Variants in ERCC4 observed in about 807,000 individuals in gnomAD.
ERCC4 encodes ERCC excision repair 4, endonuclease catalytic subunit.
Under a neutral mutation model 76.9 loss-of-function variants are expected in ERCC4, and 65 were observed. That is an observed-to-expected ratio of 0.84 (90% CI 0.69 to 1.04). The LOEUF (loss-of-function observed/expected upper bound fraction) is 1.04. Ranked by LOEUF, ERCC4 falls within the 50% of genes least tolerant of loss-of-function variation. The probability of loss-of-function intolerance (pLI) is 0.00; values close to 1 mark genes in which losing one functional copy is unlikely to be tolerated. For missense variants in ERCC4, 1,214 were observed against 1,128.2 expected (o/e 1.08, Z -1.09); for synonymous variants, 463 against 410.1 (o/e 1.13, Z -1.56).
In ERCC4 at chr16:13,948,383, T is replaced by A. The variant is rs775040023; in HGVS notation, c.*36T>A. 1.2e-6 allele frequency: 2 copies of A among 1,601,668 alleles called. No homozygotes were observed. Among genetic ancestry groups the A allele is most frequent in the Admixed American group, 1.7e-5 (1 of 60,024 alleles). ...CTGTTTTCTTATCCCATGCCTGTAC[T>A]TTTCAGCGGCTCCTTGCCAGACATC... On this transcript the variant is annotated 3_prime_UTR_variant, in exon 11 of 11. Transcript: ENST00000311895.
At chr16:13,937,615 T>G in intron 8 of ERCC4, 151 bp from the exon 9 acceptor site, 2 of 682,514 alleles carry the variant, frequency 2.9e-6, no homozygotes, top group Non-Finnish European at 5.4e-6. Flanking sequence ...CAGCTTAATT[T>G]GAGCTAGTGT....
rs1287910269 is a variant in ERCC4 at position 13,920,263 on chromosome 16, T to C, written c.98T>C (p.Val33Ala). Residue 33 changes from valine (V) to alanine (A), a missense_variant, in exon 1 of 11, where the codon GTA becomes GCA. Coordinates refer to ENST00000311895, the MANE Select transcript of ERCC4 (RefSeq NM_005236.3). The stretch of plus-strand genomic sequence containing the variant: ...GAACTGCTCGACACTGACGGGCTAG[T>C]AGTGTGCGCCCGCGGGCTCGGCGCG... ...VLELLDTDGL[V>A]VCARGLGADR... 7 of 1,606,894 alleles carry C rather than the reference T, an allele frequency of 4.4e-6. No individual in the cohort carries two copies. Among genetic ancestry groups the C allele is most frequent in the Admixed American group, 3.3e-5 (2 of 60,004 alleles).
intron 10 of ERCC4, among the ~76,000 whole-genome samples, chr16:13,946,943 G>A (rs2032526393): frequency 6.6e-6 from 1 of 152,080 alleles, no homozygotes; most frequent in South Asian, 2.1e-4. Flanking sequence ...TGTATTTTTT[G>A]TAGAGACGGG....
At chr16:13,920,674 A>C (rs754768007) in intron 1 of ERCC4, among the ~76,000 whole-genome samples, 7 of 151,732 alleles carry the variant, frequency 4.6e-5, no homozygotes, top group African/African-American at 1.7e-4. Context: ...GAGTTGAAGA[A>C]CACTAAGAGG....
intron 2 of ERCC4, among the ~76,000 whole-genome samples, chr16:13,925,227 A>G (rs955508162): frequency 6.6e-6 from 1 of 152,248 alleles, no homozygotes; most frequent in East Asian, 1.9e-4. Context: ...GGTTCCAACC[A>G]AAATAAAGAC....
intron 8 of ERCC4, 32 bp downstream of exon 8, chr16:13,935,775 C>T (rs768315580): frequency 1.4e-6 from 2 of 1,479,896 alleles, no homozygotes; most frequent in South Asian, 1.1e-5. Context: ...CTTTCAGTTG[C>T]ACAGTTCTTT....
At chr16:13,941,815 A>T (rs1048801302) in intron 9 of ERCC4, among the ~76,000 whole-genome samples, 3 of 152,212 alleles carry the variant, frequency 2.0e-5, no homozygotes, top group African/African-American at 7.2e-5. Flanking sequence ...TGAAAATACG[A>T]TCACAAAATG....
At position 13,950,437 on chromosome 16, in the gene ERCC4, G is replaced by C. The variant is rs2032609158; in HGVS notation, c.*2090G>C. ...GTAGAACTCTGTAAGATGATGTGGA[G>C]AGTAAGGAAAAGGAGAAGAAATAAA... is the stretch of plus-strand genomic sequence containing the variant. On this transcript the variant is annotated 3_prime_UTR_variant, in exon 11 of 11. Transcript: ENST00000311895. The C allele has an allele frequency of 5.3e-6, 1 of 188,238 alleles. No homozygotes were observed. Among genetic ancestry groups the C allele is most frequent in the Non-Finnish European group, 1.1e-5 (1 of 89,492 alleles). 11.7% of individuals were successfully genotyped at this position (188,238 alleles called of 1,614,324 possible). A position where few individuals can be genotyped will look rare whatever the true frequency, so the allele number is the denominator to read the frequency against.
Position 13,947,816 on chromosome 16 carries a change from C to A in ERCC4, c.2220C>A (p.Arg740=). 6.2e-7 allele frequency: 1 copy of A among 1,614,228 alleles called. No individual in the cohort carries two copies. The highest frequency in any genetic ancestry group is 8.5e-7 in the Non-Finnish European group (1 of 1,180,050). The stretch of plus-strand genomic sequence containing the variant: ...TAATCGGCTCTTTAAATAACGGCCG[C>A]CTCTACAGCCAGTGCATCTCCATGT... ...SDLIGSLNNG[R]LYSQCISMSR... is the part of the protein sequence containing the mutation. The change falls in exon 11 of 11, where the codon CGC becomes CGA. Residue 740 remains arginine, a synonymous_variant. Transcript: ENST00000311895.
intron 1 of ERCC4, among the ~76,000 whole-genome samples, chr16:13,921,375 G>T (rs531114668): frequency 2.7e-4 from 41 of 152,264 alleles, no homozygotes; most frequent in Middle Eastern, 3.4e-3. Context: ...GACACAGCTT[G>T]GTCGGACAAG....
chr16:13,920,604 C>G (rs756794911), intron 1 of ERCC4, among the ~76,000 whole-genome samples: 5 of 151,384 alleles, frequency 3.3e-5, no homozygotes, highest in Non-Finnish European at 5.9e-5. Context: ...GTCGCTCACA[C>G]CGTGCGGGGA....
rs1759315491 is a variant in ERCC4 at position 13,926,561 on chromosome 16, G to A, written c.389G>A (p.Gly130Asp). The A allele has an allele frequency of 3.1e-6, 5 of 1,613,212 alleles. No homozygotes were observed. Among genetic ancestry groups the A allele is most frequent in the Non-Finnish European group, 4.2e-6 (5 of 1,179,252 alleles). The change falls in exon 3 of 11, where the codon GGC becomes GAC. Residue 130 changes from glycine (G) to aspartate (D), a missense_variant and splice_region_variant. Coordinates refer to ENST00000311895, the MANE Select transcript of ERCC4 (RefSeq NM_005236.3). ...TTTAAATTATGTTTCTCCCCCTCAG[G>A]CATCTTGGTGTATAGAGCCCACAGA... Reference protein sequence around the residue: ...TDRIPSDLITGILVYRAHRII... With the variant: ...TDRIPSDLITDILVYRAHRII...
chr16:13,925,953 TGTATAA>T (rs1289821576), intron 2 of ERCC4, among the ~76,000 whole-genome samples: 2 of 152,168 alleles, frequency 1.3e-5, no homozygotes, highest in Non-Finnish European at 1.5e-5. Context: ...CCCAAAGACA[TGTATAA>T]GTATGTCGAT....
In ERCC4 at chr16:13,937,875, C is replaced by T. The variant is rs775384556; in HGVS notation, c.1904+17C>T. On this transcript the variant is annotated intron_variant, in intron 9 of 10. Transcript: ENST00000311895. ...ACTCATAAGGTAATACATAGAAAAT[C>T]AGTATGAAAGCCCCAACTACATTGG... 3 of 1,512,412 alleles carry T rather than the reference C, an allele frequency of 2.0e-6. No homozygotes were observed. The South Asian group carries it at 3.4e-5, about 17-fold the overall frequency. 93.7% of individuals were successfully genotyped at this position (1,512,412 alleles called of 1,614,324 possible).
At chr16:13,934,676 G>T (rs1391091055) in intron 7 of ERCC4, 1 of 251,670 alleles carries the variant, frequency 4.0e-6, no homozygotes, top group Non-Finnish European at 7.7e-6. Context: ...TGGGTCTCCT[G>T]TTTTATATCC....
intron 10 of ERCC4, among the ~76,000 whole-genome samples, 160 bp from the exon 11 acceptor site, chr16:13,947,454 A>G (rs977618149): frequency 6.6e-6 from 1 of 152,238 alleles, no homozygotes; most frequent in Non-Finnish European, 1.5e-5. Context: ...TACTTTATAA[A>G]CAAATCTTTT....
intron 6 of ERCC4, 90 bp downstream of exon 6, chr16:13,932,375 A>G (rs2032190500): frequency 1.7e-6 from 2 of 1,207,638 alleles, no homozygotes; most frequent in Non-Finnish European, 1.2e-6. Context: ...TTCTTTGGCC[A>G]TGTGAAAAGT....
chr16:13,947,679 C>T lies in ERCC4; in HGVS notation c.2083C>T (p.Leu695Phe), dbSNP rs768640022. 1.2e-6 allele frequency: 2 copies of T among 1,614,222 alleles called. No individual in the cohort carries two copies. Among genetic ancestry groups the T allele is most frequent in the Non-Finnish European group, 1.7e-6 (2 of 1,180,026 alleles). The stretch of plus-strand genomic sequence containing the variant: ...GGATATGCGTGAATTTCGAAGTGAG[C>T]TTCCATCTCTGATCCATCGTCGGGG... ...VVDMREFRSE[L>F]PSLIHRRGID... The change falls in exon 11 of 11, where the codon CTT becomes TTT. Residue 695 changes from leucine to phenylalanine, a missense_variant. Coordinates refer to ENST00000311895, the MANE Select transcript of ERCC4 (RefSeq NM_005236.3).
chr16:13,923,113 T>G (rs960270385), intron 2 of ERCC4, among the ~76,000 whole-genome samples: 2 of 152,242 alleles, frequency 1.3e-5, no homozygotes, highest in African/African-American at 4.8e-5. Context: ...AGAAAAGAAA[T>G]TCATTTTCAT....
Sources: allele counts gnomAD v4.1 joint callset (sites outside exome capture counted in the v4.1 genomes callset), GRCh38; gene constraint gnomAD v4.1.1; transcripts MANE v1.5; gene names NCBI Gene and HGNC (gene_info 2026-07-23, HGNC 2026-07-21).